The following SYTL4 variants were observed in gnomAD, a reference collection of about 807,000 sequenced individuals.
SYTL4 encodes the protein synaptotagmin like 4, also known as synaptotagmin-like protein 4.
In SYTL4, 16 loss-of-function variants were observed where a neutral mutation model predicts 52.7. The ratio of observed to expected loss-of-function variants is 0.30; its 90% CI spans 0.21 to 0.46. The LOEUF is 0.46. SYTL4 is among the 20% of genes least tolerant of loss of function. The pLI, the probability that SYTL4 is intolerant of heterozygous loss-of-function variation, is 1.00. For synonymous variants in SYTL4, 160 were observed against 186.6 expected (o/e 0.86, Z 1.16); for missense variants, 423 against 519.9 (o/e 0.81, Z 1.81).
intron 2 of SYTL4, among the ~76,000 whole-genome samples, chrX:100,729,933 G>A (rs2084605776): frequency 9.0e-6 from 1 of 110,897 alleles, no homozygotes; most frequent in African/African-American, 3.3e-5. Flanking sequence ...CCCAGAGATG[G>A]GAATAGGGAG....
chrX:100,676,105 G>T lies in SYTL4; in HGVS notation c.1939C>A (p.Arg647=). The T allele has an allele frequency of 1.7e-6, 2 of 1,210,491 alleles. No individual in the cohort carries two copies. The highest frequency in any genetic ancestry group is 2.2e-6 in the Non-Finnish European group (2 of 895,049). ...TCTGCCCAAGACCCTGGGTACTGTC[G>T]CATCTTCTGCCACAGGCTCACTTCT... The part of the protein sequence containing the change: ...GEEVSLWQKM[R]QYPGSWAEGT... The change falls in exon 20 of 20, where the codon CGA becomes AGA. Residue 647 remains arginine, a synonymous_variant. Coordinates refer to ENST00000372989, the MANE Select transcript of SYTL4 (RefSeq NM_001370165.1).
At chrX:100,729,024 G>A (rs1297750689) in intron 2 of SYTL4, among the ~76,000 whole-genome samples, 2 of 106,238 alleles carry the variant, frequency 1.9e-5, no homozygotes, top group African/African-American at 3.5e-5. Context: ...GCGACACAGC[G>A]AAACTCTGCC....
chrX:100,701,978 A>C lies in SYTL4; in HGVS notation c.60T>G (p.Ser20Arg), dbSNP rs1054542770. ...GGACCTCTTCATCTCGCTGTAGAAC[A>C]CTGAGAATCAAATCCTTTTCCTCCT... Reference protein sequence around the residue: ...LSEEEKDLILSVLQRDEEVRK... With the variant: ...LSEEEKDLILRVLQRDEEVRK... Residue 20 changes from serine (S) to arginine (R), a missense_variant, in exon 5 of 20, where the codon AGT becomes AGG. Transcript: ENST00000372989. 3 of 1,210,825 alleles carry C rather than the reference A, an allele frequency of 2.5e-6. No individual in the cohort carries two copies. Among genetic ancestry groups the C allele is most frequent in the Non-Finnish European group, 3.4e-6 (3 of 895,018 alleles).
At chrX:100,729,603 T>A (rs1333391820) in intron 2 of SYTL4, among the ~76,000 whole-genome samples, 4 of 111,266 alleles carry the variant, frequency 3.6e-5, no homozygotes, top group Admixed American at 2.9e-4. Context: ...CTGGCACAAA[T>A]ATTTGCCAAC....
intron 2 of SYTL4, among the ~76,000 whole-genome samples, chrX:100,724,892 AAAG>A (rs1415370911): frequency 2.8e-5 from 3 of 108,605 alleles, no homozygotes; most frequent in African/African-American, 1.0e-4. Context: ...AAAAAAAAAA[AAAG>A]AAGAAGGTAC....
chrX:100,696,902 C>G (rs2083716476), intron 8 of SYTL4, among the ~76,000 whole-genome samples: 1 of 111,108 alleles, frequency 9.0e-6, no homozygotes, highest in South Asian at 3.8e-4. Flanking sequence ...AAAAACCACA[C>G]ACACACCATA....
rs1405030088 is a variant in SYTL4 at position 100,674,935 on chromosome X, C to G, written c.*1093G>C. ...GCAAAAACAGGAACTGAAAGCTCAT[C>G]AAGCAGGAAGTCAGAATAACAGGGA... On this transcript the variant is annotated 3_prime_UTR_variant, in exon 20 of 20. Transcript: ENST00000372989. 2.7e-5 allele frequency: 3 copies of G among 111,683 alleles called. No homozygotes were observed. Among genetic ancestry groups the G allele is most frequent in the African/African-American group, 9.8e-5 (3 of 30,711 alleles). The allele number at this position is 111,683 out of a possible 1,213,427, so 9.2% of individuals were successfully genotyped here. A position where few individuals can be genotyped will look rare whatever the true frequency, so the allele number is the denominator to read the frequency against.
Position 100,678,501 on chromosome X carries a change from C to T in SYTL4, c.1757G>A (p.Gly586Asp). ...ATGCTGTAGATCTTCCAGCCTCACA[C>T]CATTGTAGACAAATGTATGGTTGTA... ...PHYNHTFVYN[G>D]VRLEDLQHMC... Residue 586 changes from glycine (G) to aspartate (D), a missense_variant, in exon 19 of 20, where the codon GGT becomes GAT. Gly to Asp is a moderately conservative substitution (Grantham distance 94, BLOSUM62 -1). Transcript: ENST00000372989. 3.3e-6 allele frequency: 4 copies of T among 1,209,907 alleles called. No individual in the cohort carries two copies. The highest frequency in any genetic ancestry group is 1.7e-5 in the African/African-American group (1 of 57,668).
chrX:100,703,982 T>C (rs987250426), intron 3 of SYTL4, among the ~76,000 whole-genome samples: 2 of 112,605 alleles, frequency 1.8e-5, no homozygotes, highest in Non-Finnish European at 3.8e-5. Flanking sequence ...TAGTTCTAAT[T>C]TGTTTTTACA....
At position 100,681,700 on chromosome X, in the gene SYTL4, A is replaced by G. The variant is rs375678806; in HGVS notation, c.1450-365T>C. 1.4e-4 allele frequency among the ~76,000 whole-genome samples: 16 copies of G among 112,225 alleles called. No individual in the cohort carries two copies. The East Asian group carries it at 3.6e-3, about 26-fold the overall frequency. ...TCTTGCTACCAGCATTGTTAGTAAT[A>G]GCCAAAAAGTGGAAACGACCTAAAT... On this transcript the variant is annotated intron_variant, in intron 16 of 19. Coordinates refer to ENST00000372989, the MANE Select transcript of SYTL4 (RefSeq NM_001370165.1).
At chrX:100,718,440 CA>C (rs1260101161) in intron 2 of SYTL4, among the ~76,000 whole-genome samples, 1 of 111,026 alleles carries the variant, frequency 9.0e-6, no homozygotes, top group African/African-American at 3.3e-5. Flanking sequence ...AAAATAGGAT[CA>C]AAAAGAAGAA....
intron 12 of SYTL4, among the ~76,000 whole-genome samples, chrX:100,689,209 C>CA (rs768851126): frequency 0.014 from 1,078 of 79,665 alleles, 18 homozygotes; most frequent in African/African-American, 0.041. Context: ...TCCCATCTCT[C>CA]AAAAAAAAAA....
At chrX:100,721,094 A>T (rs188273517) in intron 2 of SYTL4, among the ~76,000 whole-genome samples, 10 of 111,970 alleles carry the variant, frequency 8.9e-5, no homozygotes, top group East Asian at 8.3e-4. Context: ...TAATATTTTT[A>T]AAAAATACAG....
Position 100,689,855 on chromosome X carries a change from C to T in SYTL4, c.912+1G>A. The T allele has an allele frequency of 8.4e-7, 1 of 1,186,254 alleles. No homozygotes were observed. The highest frequency in any genetic ancestry group is 1.1e-6 in the Non-Finnish European group (1 of 874,328). ...ACCAAGTAAAATATAAGGGCACCTACCATATCCACATTGAGGCCTGGGACG... is the reference window on the plus strand; with the variant it reads ...ACCAAGTAAAATATAAGGGCACCTATCATATCCACATTGAGGCCTGGGACG... On this transcript the variant is annotated splice_donor_variant, in intron 12 of 19. Transcript: ENST00000372989. LOFTEE classifies it high-confidence loss of function.
intron 8 of SYTL4, among the ~76,000 whole-genome samples, chrX:100,693,549 C>T (rs898909208): frequency 8.9e-6 from 1 of 112,086 alleles, no homozygotes; most frequent in Non-Finnish European, 1.9e-5. Context: ...TCATGTAGCT[C>T]TTGGATGGTT....
intron 2 of SYTL4, among the ~76,000 whole-genome samples, chrX:100,722,243 G>A (rs1177861491): frequency 1.2e-5 from 1 of 80,428 alleles, no homozygotes; most frequent in East Asian, 3.7e-4. Context: ...GAGATCTACT[G>A]GAGAAAAAAA....
intron 2 of SYTL4, among the ~76,000 whole-genome samples, chrX:100,713,943 GA>G (rs2084133120): frequency 9.0e-6 from 1 of 110,816 alleles, no homozygotes; most frequent in South Asian, 3.8e-4. Context: ...TTCAGGAGTT[GA>G]CGGGGGTAAG....
chrX:100,703,875 T>C (rs1411186061), intron 3 of SYTL4, among the ~76,000 whole-genome samples: 1 of 112,452 alleles, frequency 8.9e-6, no homozygotes, highest in Admixed American at 9.4e-5. Context: ...TAAATATTTG[T>C]ATATGCAAAG....
intron 8 of SYTL4, among the ~76,000 whole-genome samples, chrX:100,694,531 C>G (rs192556777): frequency 4.7e-4 from 53 of 111,996 alleles, no homozygotes; most frequent in Non-Finnish European, 9.4e-4. Context: ...CTATCCTAAA[C>G]AGTATATGTA....
Sources: gnomAD v4.1 joint callset for allele counts (sites outside exome capture counted in the v4.1 genomes callset) on GRCh38, gnomAD v4.1.1 for gene constraint, MANE v1.5 for transcripts, NCBI Gene and HGNC (gene_info 2026-07-23, HGNC 2026-07-21) for gene names.